The following SLC44A5 variants were observed in gnomAD, a reference collection of about 807,000 sequenced individuals.
SLC44A5 encodes solute carrier family 44 member 5, also known as choline transporter-like protein 5.
Under a neutral mutation model 101.8 loss-of-function variants are expected in SLC44A5, and 57 were observed. The ratio of observed to expected loss-of-function variants is 0.56; its 90% CI spans 0.45 to 0.70. The LOEUF is 0.70. Ranked by LOEUF, SLC44A5 falls within the 30% of genes least tolerant of loss-of-function variation. The pLI is 0.00. For missense variants in SLC44A5, 737 were observed against 853.1 expected (o/e 0.86, Z 1.70); for synonymous variants, 281 against 290.9 (o/e 0.97, Z 0.35).
chr1:75,251,108 G>A, intron 7 of SLC44A5, 102 bp downstream of exon 7: 1 of 847,958 alleles, frequency 1.2e-6, no homozygotes, highest in Non-Finnish European at 2.0e-6. Flanking sequence ...TGAACCCCCT[G>A]CCCACGCACA....
At chr1:75,232,508 C>T (rs547869494) in intron 12 of SLC44A5, among the ~76,000 whole-genome samples, 2 of 152,030 alleles carry the variant, frequency 1.3e-5, no homozygotes, top group Non-Finnish European at 2.9e-5. Flanking sequence ...CCAGACTGAT[C>T]CACCTCTTAT....
intron 5 of SLC44A5, among the ~76,000 whole-genome samples, chr1:75,291,660 G>C (rs1031464623): frequency 1.3e-5 from 2 of 152,078 alleles, no homozygotes; most frequent in Admixed American, 6.6e-5. Flanking sequence ...GGGCCTGTGA[G>C]GGGTGGGAGT....
chr1:75,406,132 G>A (rs1379730851), intron 2 of SLC44A5, among the ~76,000 whole-genome samples: 1 of 152,028 alleles, frequency 6.6e-6, no homozygotes, highest in Non-Finnish European at 1.5e-5. Flanking sequence ...TAAATTCCTG[G>A]ACACATACAA....
intron 5 of SLC44A5, among the ~76,000 whole-genome samples, chr1:75,277,188 A>G (rs960615953): frequency 6.6e-6 from 1 of 152,162 alleles, no homozygotes; most frequent in Non-Finnish European, 1.5e-5. Flanking sequence ...GACTTTAAAA[A>G]ATAATTAGGA....
At chr1:75,534,535 TGACA>T (rs1670893430) in intron 2 of SLC44A5, among the ~76,000 whole-genome samples, 1 of 152,258 alleles carries the variant, frequency 6.6e-6, no homozygotes, top group Non-Finnish European at 1.5e-5. Flanking sequence ...TCAAGTCAAG[TGACA>T]GACAGGGTTG....
intron 3 of SLC44A5, among the ~76,000 whole-genome samples, chr1:75,341,011 C>A (rs1421566646): frequency 6.6e-6 from 1 of 152,212 alleles, no homozygotes; most frequent in Non-Finnish European, 1.5e-5. Context: ...TCACTTTTAA[C>A]TAGTTCAAAT....
intron 2 of SLC44A5, among the ~76,000 whole-genome samples, chr1:75,507,573 T>C (rs898425009): frequency 6.6e-6 from 1 of 152,128 alleles, no homozygotes; most frequent in East Asian, 1.9e-4. Context: ...ATAGAATCAG[T>C]TAGGGAGAAG....
At chr1:75,527,224 C>CAG (rs757709081) in intron 2 of SLC44A5, among the ~76,000 whole-genome samples, 3 of 136,194 alleles carry the variant, frequency 2.2e-5, no homozygotes, top group Non-Finnish European at 4.7e-5. Flanking sequence ...GGGAGGAAGA[C>CAG]AGAGAGAGAG....
chr1:75,388,393 A>G (rs182578168), intron 3 of SLC44A5, among the ~76,000 whole-genome samples: 25 of 152,306 alleles, frequency 1.6e-4, no homozygotes, highest in African/African-American at 5.5e-4. Flanking sequence ...CCTATAAAAA[A>G]TAACTACACA....
chr1:75,351,846 C>CAAAAAAAAAAAAAAAAAAAAAAAAAA (rs71071942), intron 3 of SLC44A5, among the ~76,000 whole-genome samples: 2 of 28,400 alleles, frequency 7.0e-5, no homozygotes, highest in African/African-American at 1.3e-4. Context: ...CACACTTTAC[C>CAAAAAAAAAAAAAAAAAAAAAAAAAA]AAAAAAAAAA....
chr1:75,717,731 G>C, the SLC44A5 span, among the ~76,000 whole-genome samples: 1 of 152,194 alleles, frequency 6.6e-6, no homozygotes, highest in East Asian at 1.9e-4. Context: ...TGGTTATTAA[G>C]AAATGGAATG....
At chr1:75,663,238 AG>A in the SLC44A5 span, among the ~76,000 whole-genome samples, 2 of 152,112 alleles carry the variant, frequency 1.3e-5, no homozygotes, top group Non-Finnish European at 2.9e-5. Flanking sequence ...GGCTTTTGGA[AG>A]GTAATTAGCT....
intron 1 of SLC44A5, among the ~76,000 whole-genome samples, chr1:75,594,587 C>T (rs1674532403): frequency 6.6e-6 from 1 of 151,880 alleles, no homozygotes; most frequent in South Asian, 2.1e-4. Flanking sequence ...ATAATGAAAT[C>T]GTCAAGTGAT....
chr1:75,314,213 G>T (rs1655524146), intron 4 of SLC44A5, among the ~76,000 whole-genome samples: 1 of 152,054 alleles, frequency 6.6e-6, no homozygotes. Flanking sequence ...CTACCAAAAA[G>T]CCACTTAACA....
chr1:75,330,094 AAT>A (rs372949929), intron 4 of SLC44A5, among the ~76,000 whole-genome samples: 58 of 147,422 alleles, frequency 3.9e-4, no homozygotes, highest in South Asian at 2.6e-3. Context: ...TGGCAAATGA[AAT>A]ATATATATAT....
chr1:75,350,281 T>C (rs565393601), intron 3 of SLC44A5, among the ~76,000 whole-genome samples: 16 of 150,184 alleles, frequency 1.1e-4, no homozygotes, highest in African/African-American at 3.9e-4. Context: ...CATCTATAAA[T>C]CAGGAAGAGG....
intron 2 of SLC44A5, among the ~76,000 whole-genome samples, chr1:75,537,029 A>ATAT (rs1228367756): frequency 1.6e-4 from 4 of 25,198 alleles, no homozygotes; most frequent in Non-Finnish European, 7.7e-4. Context: ...AAAAAAAAAA[A>ATAT]AAAAATATAT....
At chr1:75,233,909 T>C in intron 12 of SLC44A5, 77 bp downstream of exon 12, 1 of 1,091,608 alleles carries the variant, frequency 9.2e-7, no homozygotes, top group South Asian at 1.4e-5. Flanking sequence ...ACAAATGCTT[T>C]CTGGTAACTG....
chr1:75,512,638 CAAGTAGATATTGG>C (rs1557862583), intron 2 of SLC44A5, among the ~76,000 whole-genome samples: 1 of 152,088 alleles, frequency 6.6e-6, no homozygotes, highest in Non-Finnish European at 1.5e-5. Context: ...AATATGCACA[CAAGTAGATATTGG>C]ATGTAGTACT....
Sources: gnomAD v4.1 joint callset for allele counts (sites outside exome capture counted in the v4.1 genomes callset) on GRCh38, gnomAD v4.1.1 for gene constraint, MANE v1.5 for transcripts, NCBI Gene and HGNC (gene_info 2026-07-23, HGNC 2026-07-21) for gene names.